Variants in FCN2 observed in about 807,000 individuals in gnomAD.
FCN2 encodes the protein ficolin-2.
Under a neutral mutation model 32.5 loss-of-function variants are expected in FCN2, and 31 were observed. That is an observed-to-expected ratio of 0.96 (90% confidence interval 0.72 to 1.29). The LOEUF is 1.29. FCN2 is among the 50% of genes most tolerant of loss of function. The pLI, the probability that FCN2 is intolerant of heterozygous loss-of-function variation, is 0.00. For missense variants in FCN2, 412 were observed against 406.5 expected (o/e 1.01, Z -0.12); for synonymous variants, 181 against 164.5 (o/e 1.10, Z -0.77).
At chr9:134,871,600 C>T in the FCN2 span, among the ~76,000 whole-genome samples, 1 of 152,228 alleles carries the variant, frequency 6.6e-6, no homozygotes, top group South Asian at 2.1e-4. Flanking sequence ...GTAGAGTGGG[C>T]ACTGGGCTCC....
chr9:134,880,773 T>C, upstream of FCN2: 1 of 1,450,318 alleles, frequency 6.9e-7, no homozygotes, highest in Non-Finnish European at 9.7e-7. Flanking sequence ...GGCTGGCTTC[T>C]CTAGCCCTAT....
Position 134,885,907 on chromosome 9 carries a change from C to T in FCN2, c.559+10C>T, listed in dbSNP as rs775115635. ...GCCCTGACCGCCCAGGGTAGGGCCGCTGCTGGGGCTTGGGGGTCGGGGGCC... is the reference window on the plus strand; with the variant it reads ...GCCCTGACCGCCCAGGGTAGGGCCGTTGCTGGGGCTTGGGGGTCGGGGGCC... On this transcript the variant is annotated intron_variant, in intron 6 of 7. Coordinates refer to ENST00000291744, the MANE Select transcript of FCN2 (RefSeq NM_004108.3). The T allele has an allele frequency of 2.5e-6, 4 of 1,606,052 alleles. No homozygotes were observed. The African/African-American group carries it at 4.0e-5, about 16-fold the overall frequency.
In FCN2 at chr9:134,887,363, A is replaced by G. The variant is rs1314948940; in HGVS notation, c.890A>G (p.Lys297Arg). ...AATGGCATCAACTGGAAGTCGGGGA[A>G]AGGATACAATTATAGCTACAAGGTG... Reference protein sequence around the residue: ...FANGINWKSGKGYNYSYKVSE... With the variant: ...FANGINWKSGRGYNYSYKVSE... The change falls in exon 8 of 8, where the codon AAA becomes AGA. Residue 297 changes from lysine (K) to arginine (R), a missense_variant. Coordinates refer to ENST00000291744, the MANE Select transcript of FCN2 (RefSeq NM_004108.3). 6.2e-7 allele frequency: 1 copy of G among 1,614,034 alleles called. No homozygotes were observed. Among genetic ancestry groups the G allele is most frequent in the East Asian group, 2.2e-5 (1 of 44,884 alleles).
chr9:134,868,924 G>C, the FCN2 span, among the ~76,000 whole-genome samples: 1 of 152,202 alleles, frequency 6.6e-6, no homozygotes, highest in African/African-American at 2.4e-5. This position sits in a 1 kb window ranked among gnomAD's most constrained non-coding sequence, Gnocchi z 4.3. Context: ...AGTTTTATCG[G>C]CACAGCCATG....
At chr9:134,872,603 A>G in the FCN2 span, among the ~76,000 whole-genome samples, 6 of 152,332 alleles carry the variant, frequency 3.9e-5, no homozygotes, top group East Asian at 3.9e-4. Flanking sequence ...AAGGAGGAAC[A>G]AAGTCACGTC....
chr9:134,884,664 G>A, intron 3 of FCN2, 76 bp from the exon 4 acceptor site: 1 of 1,438,928 alleles, frequency 6.9e-7, no homozygotes, highest in African/African-American at 1.4e-5. Flanking sequence ...AGAAAATGGT[G>A]TCCGCGGACC....
chr9:134,870,329 T>A, the FCN2 span, among the ~76,000 whole-genome samples: 1 of 151,984 alleles, frequency 6.6e-6, no homozygotes, highest in African/African-American at 2.4e-5. This position sits in a 1 kb window ranked among gnomAD's most constrained non-coding sequence, Gnocchi z 4.3. Flanking sequence ...GGTGCAGAGG[T>A]CCGTGGGCTC....
chr9:134,865,277 G>C, the FCN2 span, among the ~76,000 whole-genome samples: 1 of 152,340 alleles, frequency 6.6e-6, no homozygotes, highest in Non-Finnish European at 1.5e-5. Context: ...ACCTTCTGGG[G>C]GAGGCTCTGG....
At chr9:134,870,181 G>T in the FCN2 span, among the ~76,000 whole-genome samples, 1 of 152,180 alleles carries the variant, frequency 6.6e-6, no homozygotes, top group Non-Finnish European at 1.5e-5. The surrounding 1 kb of genome is among the most constrained non-coding windows in gnomAD (Gnocchi z 4.3). Context: ...ACTGGATGCC[G>T]GTTTCCCCGA....
chr9:134,875,362 GC>G, the FCN2 span, among the ~76,000 whole-genome samples: 1 of 152,162 alleles, frequency 6.6e-6, no homozygotes, highest in Non-Finnish European at 1.5e-5. Flanking sequence ...TGGTAGACAG[GC>G]CCCAGGGTGT....
At chr9:134,871,547 C>T in the FCN2 span, among the ~76,000 whole-genome samples, 4 of 152,250 alleles carry the variant, frequency 2.6e-5, no homozygotes, top group Non-Finnish European at 5.9e-5. Flanking sequence ...CTTCACCCCT[C>T]TCTGGCTCTG....
the FCN2 span, among the ~76,000 whole-genome samples, chr9:134,874,478 C>A: frequency 6.6e-6 from 1 of 152,182 alleles, no homozygotes; most frequent in Non-Finnish European, 1.5e-5. Flanking sequence ...TAGCTTTTCT[C>A]CACTACATTT....
Position 134,886,542 on chromosome 9 carries a change from G to A in FCN2, c.672G>A (p.Gly224=). The A allele has an allele frequency of 6.2e-7, 1 of 1,614,098 alleles. No homozygotes were observed. Residue 224 remains glycine, a synonymous_variant, in exon 7 of 8, where the codon GGG becomes GGA. Coordinates refer to ENST00000291744, the MANE Select transcript of FCN2 (RefSeq NM_004108.3). ...DEAEKYNLVL[G]AFVEGSAGDS... is the part of the protein sequence containing the mutation. ...CGGAGAAGTACAATCTGGTCCTGGGGGCCTTCGTGGAGGGCAGTGCGGGTG... is the reference window on the plus strand; with the variant it reads ...CGGAGAAGTACAATCTGGTCCTGGGAGCCTTCGTGGAGGGCAGTGCGGGTG...
chr9:134,866,414 G>C, the FCN2 span, among the ~76,000 whole-genome samples: 1 of 147,094 alleles, frequency 6.8e-6, no homozygotes, highest in African/African-American at 2.5e-5. Context: ...AATAAATGGT[G>C]CTGGGAAAAC....
In FCN2 at chr9:134,887,198, C is replaced by T. The variant is rs1469372045; in HGVS notation, c.725C>T (p.Ser242Phe). 6.2e-7 allele frequency: 1 copy of T among 1,614,032 alleles called. No homozygotes were observed. Reference protein sequence around the residue: ...GDSLTFHNNQSFSTKDQDNDL... With the variant: ...GDSLTFHNNQFFSTKDQDNDL... ...TCCCTGACGTTCCACAACAACCAGT[C>T]CTTCTCCACCAAAGACCAGGACAAT... The change falls in exon 8 of 8, where the codon TCC becomes TTC. Residue 242 changes from serine to phenylalanine, a missense_variant. Physicochemically the swap from Ser to Phe is radical, Grantham distance 155 (BLOSUM62 -2). Coordinates refer to ENST00000291744, the MANE Select transcript of FCN2 (RefSeq NM_004108.3).
intron 7 of FCN2, 33 bp downstream of exon 7, chr9:134,886,597 C>A (rs1204873800): frequency 1.2e-6 from 2 of 1,611,596 alleles, no homozygotes; most frequent in African/African-American, 1.3e-5. Flanking sequence ...GTGGCCTGGG[C>A]TTCTGAGGGG....
chr9:134,882,543 C>G lies in FCN2; in HGVS notation c.118C>G (p.Leu40Val), dbSNP rs778651615. ...TTCTGCAGAGGTGAAGATGGTGGGC[C>G]TGGAGGGCTCTGACAAGCTCACCAT... ...DTCPEVKMVGLEGSDKLTILR... is the reference protein window; with the variant it reads ...DTCPEVKMVGVEGSDKLTILR... Residue 40 changes from leucine to valine, a missense_variant, in exon 2 of 8, where the codon CTG becomes GTG. By Grantham distance (32) the Leu-to-Val change is conservative. Coordinates refer to ENST00000291744, the MANE Select transcript of FCN2 (RefSeq NM_004108.3). The G allele has an allele frequency of 1.9e-5, 30 of 1,614,168 alleles. No homozygotes were observed. The highest frequency in any genetic ancestry group is 2.4e-5 in the Non-Finnish European group (28 of 1,180,032).
In FCN2 at chr9:134,885,291, G is replaced by A. The variant is rs770661433; in HGVS notation, c.354G>A (p.Trp118Ter). Reference sequence around the variant, plus strand: ...ACCGAGGGCACTTCCTGAGCGGCTGGCACACCATCTACCTGCCCGACTGCC... The same window carrying A: ...ACCGAGGGCACTTCCTGAGCGGCTGACACACCATCTACCTGCCCGACTGCC... ...LLDRGHFLSG[W>*]HTIYLPDCRP... Residue 118 changes from tryptophan to a stop codon, truncating the protein, a stop_gained, in exon 5 of 8, where the codon TGG becomes TGA. Transcript: ENST00000291744. LOFTEE classifies it high-confidence loss of function. The A allele has an allele frequency of 6.2e-7, 1 of 1,614,008 alleles. No individual in the cohort carries two copies. The highest frequency in any genetic ancestry group is 8.5e-7 in the Non-Finnish European group (1 of 1,180,022).
At position 134,882,677 on chromosome 9, in the gene FCN2, C is replaced by G. The variant is rs1282571792; in HGVS notation, c.214+38C>G. Reference sequence around the variant, plus strand: ...ATGGCTGGGGGCACTGGCTCTTGCTCTTTTTGAAACCAGATGCTGAGTTGG... The same window carrying G: ...ATGGCTGGGGGCACTGGCTCTTGCTGTTTTTGAAACCAGATGCTGAGTTGG... On this transcript the variant is annotated intron_variant, in intron 2 of 7. Coordinates refer to ENST00000291744, the MANE Select transcript of FCN2 (RefSeq NM_004108.3). 6 of 1,418,386 alleles carry G rather than the reference C, an allele frequency of 4.2e-6. No homozygotes were observed. The East Asian group carries it at 1.1e-4, about 27-fold the overall frequency. The allele number at this position is 1,418,386 out of a possible 1,614,324, so 87.9% of individuals were successfully genotyped here. A position where few individuals can be genotyped will look rare whatever the true frequency, so the allele number is the denominator to read the frequency against.
Sources: gnomAD v4.1 joint callset for allele counts (sites outside exome capture counted in the v4.1 genomes callset) on GRCh38, gnomAD v4.1.1 for gene constraint, Gnocchi (gnomAD v3.1) non-coding constraint, MANE v1.5 for transcripts, NCBI Gene and HGNC (gene_info 2026-07-23, HGNC 2026-07-21) for gene names.